Variants in OR51M1 observed in about 807,000 individuals in gnomAD.
OR51M1 encodes the protein olfactory receptor family 51 subfamily M member 1.
For synonymous variants in OR51M1, 199 were observed against 155.1 expected (o/e 1.28, Z -2.10); for missense variants, 509 against 404.4 (o/e 1.26, Z -2.22).
intron 2 of OR51M1, among the ~76,000 whole-genome samples, chr11:5,385,689 AAT>A (rs1434660809): frequency 7.0e-6 from 1 of 143,124 alleles, no homozygotes; most frequent in African/African-American, 2.7e-5. Context: ...TACTACCTAT[AAT>A]ATATATGTTG....
rs777443530 is a variant in OR51M1 at position 5,389,928 on chromosome 11, C to T, written c.530C>T (p.Ala177Val). 10 of 1,611,256 alleles carry T rather than the reference C, an allele frequency of 6.2e-6. No homozygotes were observed. In the African/African-American group the frequency reaches 1.3e-4, roughly 22 times the overall value. ...ATIPIVLLLKAFPYCGSVVLS... is the reference protein window; with the variant it reads ...ATIPIVLLLKVFPYCGSVVLS... The stretch of plus-strand genomic sequence containing the variant: ...ATCCCTATTGTCCTCCTCCTGAAGG[C>T]TTTTCCCTACTGTGGATCTGTGGTC... The change falls in exon 3 of 3, where the codon GCT becomes GTT. Residue 177 changes from alanine (A) to valine (V), a missense_variant. Physicochemically the swap from Ala to Val is moderately conservative, Grantham distance 64. Transcript: ENST00000642046.
chr11:5,390,598 G>T lies in OR51M1; in HGVS notation c.*219G>T. 2.0e-6 allele frequency: 1 copy of T among 505,538 alleles called. No homozygotes were observed. Among genetic ancestry groups the T allele is most frequent in the East Asian group, 3.0e-5 (1 of 32,798 alleles). 31.3% of individuals were successfully genotyped at this position (505,538 alleles called of 1,614,324 possible). On this transcript the variant is annotated 3_prime_UTR_variant, in exon 3 of 3. Coordinates refer to ENST00000642046, the MANE Select transcript of OR51M1 (RefSeq NM_001004756.3). Reference sequence around the variant, plus strand: ...CTACAGCTGAGAACTGGCATTTTTGGTAGCATCAAAGCTATCCAGAAGGCA... The same window carrying T: ...CTACAGCTGAGAACTGGCATTTTTGTTAGCATCAAAGCTATCCAGAAGGCA...
rs1401117580 is a variant in OR51M1 at position 5,392,328 on chromosome 11, G to T, written c.*1949G>T. The T allele has an allele frequency of 6.6e-6, 1 of 152,144 alleles. No individual in the cohort carries two copies. Among genetic ancestry groups the T allele is most frequent in the Non-Finnish European group, 1.5e-5 (1 of 68,026 alleles). The allele number at this position is 152,144 out of a possible 1,614,324, so 9.4% of individuals were successfully genotyped here. On this transcript the variant is annotated 3_prime_UTR_variant, in exon 3 of 3. Transcript: ENST00000642046. ...ACATAGTAGGCCACATTACTCAATA[G>T]CAGTTCCGAGACTTAGAATATTCTT... is the stretch of plus-strand genomic sequence containing the variant.
In OR51M1 at chr11:5,390,194, C is replaced by T. The variant is rs1199956536; in HGVS notation, c.796C>T (p.Pro266Ser). The T allele has an allele frequency of 1.2e-6, 2 of 1,613,946 alleles. No homozygotes were observed. Among genetic ancestry groups the T allele is most frequent in the Non-Finnish European group, 1.7e-6 (2 of 1,179,864 alleles). The change falls in exon 3 of 3, where the codon CCC becomes TCC. Residue 266 changes from proline (P) to serine (S), a missense_variant. Coordinates refer to ENST00000642046, the MANE Select transcript of OR51M1 (RefSeq NM_001004756.3). ...PLCAVLVFFV[P>S]MMGLSLVHRF... Reference sequence around the variant, plus strand: ...CTGTGCTGTGCTAGTATTCTTTGTGCCCATGATGGGGCTGTCCCTGGTGCA... The same window carrying T: ...CTGTGCTGTGCTAGTATTCTTTGTGTCCATGATGGGGCTGTCCCTGGTGCA...
At position 5,390,578 on chromosome 11, in the gene OR51M1, G is replaced by A. The variant is rs1292262176; in HGVS notation, c.*199G>A. 1.1e-5 allele frequency: 6 copies of A among 533,698 alleles called. No homozygotes were observed. Among genetic ancestry groups the A allele is most frequent in the South Asian group, 3.2e-5 (1 of 31,472 alleles). 33.1% of individuals were successfully genotyped at this position (533,698 alleles called of 1,614,324 possible). On this transcript the variant is annotated 3_prime_UTR_variant, in exon 3 of 3. Coordinates refer to ENST00000642046, the MANE Select transcript of OR51M1 (RefSeq NM_001004756.3). Reference sequence around the variant, plus strand: ...TTAGATTTTAATGGCTCCTCCTACAGCTGAGAACTGGCATTTTTGGTAGCA... The same window carrying A: ...TTAGATTTTAATGGCTCCTCCTACAACTGAGAACTGGCATTTTTGGTAGCA...
intron 2 of OR51M1, 89 bp downstream of exon 2, chr11:5,385,547 C>T (rs1292679068): frequency 6.6e-6 from 1 of 152,058 alleles, no homozygotes; most frequent in Non-Finnish European, 1.5e-5. Flanking sequence ...CACTGTCAGG[C>T]TCCAGGGGCC....
In OR51M1 at chr11:5,390,526, G is replaced by T; in HGVS notation, c.*147G>T. 1.5e-6 allele frequency: 1 copy of T among 659,628 alleles called. No homozygotes were observed. The highest frequency in any genetic ancestry group is 2.4e-6 in the Non-Finnish European group (1 of 408,348). 40.9% of individuals were successfully genotyped at this position (659,628 alleles called of 1,614,324 possible). On this transcript the variant is annotated 3_prime_UTR_variant, in exon 3 of 3. Coordinates refer to ENST00000642046, the MANE Select transcript of OR51M1 (RefSeq NM_001004756.3). Reference sequence around the variant, plus strand: ...TGGGCAAATTTATGTCTGGAGTTGTGGCTTTAAAAAACTGAACTTCTCTTG... The same window carrying T: ...TGGGCAAATTTATGTCTGGAGTTGTTGCTTTAAAAAACTGAACTTCTCTTG...
intron 2 of OR51M1, among the ~76,000 whole-genome samples, chr11:5,387,642 T>G (rs1005005032): frequency 1.3e-5 from 2 of 152,208 alleles, no homozygotes; most frequent in Non-Finnish European, 2.9e-5. Context: ...GCTTCCTCCA[T>G]TGAATATACA....
chr11:5,389,978 C>G lies in OR51M1; in HGVS notation c.580C>G (p.Gln194Glu), dbSNP rs931809418. 8.1e-6 allele frequency: 13 copies of G among 1,612,302 alleles called. No homozygotes were observed. Among genetic ancestry groups the G allele is most frequent in the Non-Finnish European group, 1.1e-5 (13 of 1,179,884 alleles). ...VVLSHSFCLH[Q>E]EVIQLACTDI... ...CCTCTCCCACTCATTTTGCCTGCAC[C>G]AGGAAGTGATACAGCTGGCCTGCAC... Residue 194 changes from glutamine to glutamate, a missense_variant, in exon 3 of 3, where the codon CAG (glutamine) becomes GAG (glutamate). By Grantham distance (29) the Gln-to-Glu change is conservative (BLOSUM62 2). Transcript: ENST00000642046.
intron 2 of OR51M1, 78 bp downstream of exon 2, chr11:5,385,536 A>T (rs1414666958): frequency 1.3e-5 from 2 of 152,148 alleles, no homozygotes; most frequent in Non-Finnish European, 2.9e-5. Context: ...CACATCTTAG[A>T]CACTGTCAGG....
At chr11:5,384,145 T>C (rs1849650352) in intron 1 of OR51M1, among the ~76,000 whole-genome samples, 2 of 152,182 alleles carry the variant, frequency 1.3e-5, no homozygotes, top group Admixed American at 1.3e-4. Context: ...AATGGGATTT[T>C]TTTTTCTTTG....
intron 2 of OR51M1, among the ~76,000 whole-genome samples, chr11:5,385,674 A>C (rs1435764681): frequency 6.8e-6 from 1 of 147,454 alleles, no homozygotes; most frequent in African/African-American, 2.5e-5. Context: ...AAGAATACGT[A>C]TAAATACTAC....
chr11:5,389,703 A>C lies in OR51M1; in HGVS notation c.305A>C (p.His102Pro). ...ATGGGGATCTTCTGGTTTAACTCCCATAGTATCTACTTTGGAGCGTGTCAA... is the reference window on the plus strand; with the variant it reads ...ATGGGGATCTTCTGGTTTAACTCCCCTAGTATCTACTTTGGAGCGTGTCAA... ...TTMGIFWFNS[H>P]SIYFGACQIQ... The change falls in exon 3 of 3, where the codon CAT becomes CCT. Residue 102 changes from histidine (H) to proline (P), a missense_variant. Transcript: ENST00000642046. 6.2e-7 allele frequency: 1 copy of C among 1,613,744 alleles called. No homozygotes were observed. Among genetic ancestry groups the C allele is most frequent in the Non-Finnish European group, 8.5e-7 (1 of 1,179,832 alleles).
At chr11:5,386,637 C>T (rs372864744) in intron 2 of OR51M1, among the ~76,000 whole-genome samples, 28 of 152,084 alleles carry the variant, frequency 1.8e-4, no homozygotes, top group African/African-American at 6.5e-4. Context: ...TCTGCATAAT[C>T]TCGGTGGCTG....
Position 5,390,531 on chromosome 11 carries a change from TA to T in OR51M1, c.*158del, listed in dbSNP as rs749152760. ...AAATTTATGTCTGGAGTTGTGGCTT[TA>T]AAAAACTGAACTTCTCTTGCTTAGA... is the stretch of plus-strand genomic sequence containing the variant. On this transcript the variant is annotated 3_prime_UTR_variant, in exon 3 of 3. Transcript: ENST00000642046. 12 of 637,628 alleles carry T rather than the reference TA, an allele frequency of 1.9e-5. No homozygotes were observed. Among genetic ancestry groups the T allele is most frequent in the Non-Finnish European group, 2.6e-5 (10 of 387,784 alleles). 39.5% of individuals were successfully genotyped at this position (637,628 alleles called of 1,614,324 possible). A position where few individuals can be genotyped will look rare whatever the true frequency, so the allele number is the denominator to read the frequency against.
At position 5,390,191 on chromosome 11, in the gene OR51M1, G is replaced by A; in HGVS notation, c.793G>A (p.Val265Met). The A allele has an allele frequency of 6.2e-7, 1 of 1,613,964 alleles. No individual in the cohort carries two copies. Among genetic ancestry groups the A allele is most frequent in the Middle Eastern group, 1.6e-4 (1 of 6,062 alleles). Residue 265 changes from valine (V) to methionine (M), a missense_variant, in exon 3 of 3, where the codon GTG (valine) becomes ATG (methionine). Val to Met is a conservative substitution (Grantham distance 21, BLOSUM62 1). Transcript: ENST00000642046. Reference protein sequence around the residue: ...APLCAVLVFFVPMMGLSLVHR... With the variant: ...APLCAVLVFFMPMMGLSLVHR... ...TCTCTGTGCTGTGCTAGTATTCTTT[G>A]TGCCCATGATGGGGCTGTCCCTGGT...
rs370561158 is a variant in OR51M1, at chr11:5,390,202, G to A, written c.804G>A (p.Met268Ile). ...TGCTAGTATTCTTTGTGCCCATGAT[G>A]GGGCTGTCCCTGGTGCACCGTTTTG... is the stretch of plus-strand genomic sequence containing the variant. ...CAVLVFFVPM[M>I]GLSLVHRFGK... Residue 268 changes from methionine (M) to isoleucine (I), a missense_variant, in exon 3 of 3, where the codon ATG becomes ATA. Physicochemically the swap from Met to Ile is conservative, Grantham distance 10. Transcript: ENST00000642046. 7.2e-5 allele frequency: 116 copies of A among 1,613,786 alleles called. No individual in the cohort carries two copies. Among genetic ancestry groups the A allele is most frequent in the Non-Finnish European group, 3.5e-5 (41 of 1,179,842 alleles).
chr11:5,388,750 G>T (rs937922958), intron 2 of OR51M1, among the ~76,000 whole-genome samples: 1 of 151,972 alleles, frequency 6.6e-6, no homozygotes, highest in South Asian at 2.1e-4. Flanking sequence ...ACTGAATACA[G>T]TAGTACAAAA....
In OR51M1 at chr11:5,393,165, C is replaced by A. The variant is rs1322354716; in HGVS notation, c.*2786C>A. ...GCAAAATTTTTTTCCTGTTTGCTCA[C>A]AGTTCTAAATCCATCTCCTAGGTCA... is the stretch of plus-strand genomic sequence containing the variant. On this transcript the variant is annotated 3_prime_UTR_variant, in exon 3 of 3. Coordinates refer to ENST00000642046, the MANE Select transcript of OR51M1 (RefSeq NM_001004756.3). The A allele has an allele frequency of 1.3e-5, 2 of 152,132 alleles. No individual in the cohort carries two copies. The highest frequency in any genetic ancestry group is 4.8e-5 in the African/African-American group (2 of 41,422). The allele number at this position is 152,132 out of a possible 1,614,324, so 9.4% of individuals were successfully genotyped here.
Sources: allele counts gnomAD v4.1 joint callset (sites outside exome capture counted in the v4.1 genomes callset), GRCh38; gene constraint gnomAD v4.1.1; transcripts MANE v1.5; gene names NCBI Gene and HGNC (gene_info 2026-07-23, HGNC 2026-07-21).